Variants in CACNA1A observed in about 807,000 individuals in gnomAD.
The protein encoded by CACNA1A is calcium voltage-gated channel subunit alpha1 A, also known as voltage-dependent P/Q-type calcium channel subunit alpha-1A.
In CACNA1A, 57 loss-of-function variants were observed where a neutral mutation model predicts 262.4. That is an observed-to-expected ratio of 0.22 (90% CI 0.18 to 0.27). CACNA1A has a LOEUF of 0.27. CACNA1A is among the 10% of genes least tolerant of loss of function. CACNA1A has a pLI of 1.00. For synonymous variants in CACNA1A, 1,431 were observed against 1,419.3 expected (o/e 1.01, Z -0.18); for missense variants, 2,526 against 3,562.8 (o/e 0.71, Z 7.41).
intron 3 of CACNA1A, among the ~76,000 whole-genome samples, chr19:13,412,718 C>G (rs2060133396): frequency 6.6e-6 from 1 of 152,162 alleles, no homozygotes; most frequent in East Asian, 1.9e-4. Flanking sequence ...CTCAGGTGAT[C>G]TACCTGTCTC....
intron 6 of CACNA1A, among the ~76,000 whole-genome samples, chr19:13,343,998 C>G (rs948396541): frequency 6.6e-6 from 1 of 152,094 alleles, no homozygotes; most frequent in African/African-American, 2.4e-5. Flanking sequence ...ATCGCTTGAG[C>G]TAGGGGTTTG....
chr19:13,449,651 AT>A (rs2060880175), intron 3 of CACNA1A, among the ~76,000 whole-genome samples: 2 of 152,182 alleles, frequency 1.3e-5, no homozygotes, highest in South Asian at 4.1e-4. Context: ...AGTGTAAACT[AT>A]TCTCACTCTG....
intron 1 of CACNA1A, among the ~76,000 whole-genome samples, chr19:13,504,147 C>A (rs1165851177): frequency 6.6e-6 from 1 of 152,128 alleles, no homozygotes; most frequent in Non-Finnish European, 1.5e-5. Flanking sequence ...GGGTGTGCAC[C>A]CATGAATACC....
chr19:13,456,535 G>A (rs969385287), intron 1 of CACNA1A, among the ~76,000 whole-genome samples: 9 of 151,984 alleles, frequency 5.9e-5, no homozygotes, highest in South Asian at 2.1e-4. Flanking sequence ...TTAGCCGGGC[G>A]TGGTAGCGGG....
At chr19:13,282,643 T>A (rs1222442968) in intron 22 of CACNA1A, among the ~76,000 whole-genome samples, 2 of 147,812 alleles carry the variant, frequency 1.4e-5, no homozygotes, top group Non-Finnish European at 3.0e-5. Context: ...ACTCTCTCAT[T>A]CCCCTGAGCC....
intron 3 of CACNA1A, among the ~76,000 whole-genome samples, chr19:13,444,785 C>CCACT (rs962000676): frequency 1.3e-5 from 2 of 152,078 alleles, no homozygotes; most frequent in Non-Finnish European, 2.9e-5. Flanking sequence ...TTTGGACAAA[C>CCACT]CACTTGTTTG....
intron 19 of CACNA1A, among the ~76,000 whole-genome samples, chr19:13,293,699 G>A (rs188604637): frequency 1.4e-3 from 208 of 150,186 alleles, no homozygotes; most frequent in African/African-American, 4.4e-3. Flanking sequence ...CTTGTGATCC[G>A]CTCACCTCGG....
At chr19:13,250,556 C>T (rs2056370027) in intron 30 of CACNA1A, among the ~76,000 whole-genome samples, 2 of 152,022 alleles carry the variant, frequency 1.3e-5, no homozygotes, top group South Asian at 4.1e-4. Flanking sequence ...GCCACCACAC[C>T]CAGCTAATTT....
At chr19:13,367,021 G>A (rs1020490220) in intron 4 of CACNA1A, among the ~76,000 whole-genome samples, 1 of 143,734 alleles carries the variant, frequency 7.0e-6, no homozygotes, top group Non-Finnish European at 1.5e-5. Context: ...GCAGGGCGCG[G>A]CGGCGGTTCA....
chr19:13,322,749 C>T lies in CACNA1A; in HGVS notation c.1346-5428G>A, dbSNP rs574963041. Among the ~76,000 whole-genome samples, 17 of 152,246 alleles carry T rather than the reference C, an allele frequency of 1.1e-4. No homozygotes were observed. The South Asian group carries it at 2.5e-3, about 22-fold the overall frequency. On this transcript the variant is annotated intron_variant, in intron 10 of 46. Coordinates refer to ENST00000360228, the MANE Select transcript of CACNA1A (RefSeq NM_001127222.2). ...TAGCTGGGACTACAGGTGTGCACTA[C>T]TGCACCCAGCTAATTTTTGTATTTT...
At chr19:13,480,447 T>TA (rs1459379721) in intron 1 of CACNA1A, among the ~76,000 whole-genome samples, 1 of 152,218 alleles carries the variant, frequency 6.6e-6, no homozygotes, top group Non-Finnish European at 1.5e-5. Flanking sequence ...ATATAACATA[T>TA]AAAATCTGTC....
At chr19:13,343,031 A>C (rs886765094) in intron 6 of CACNA1A, among the ~76,000 whole-genome samples, 1 of 151,978 alleles carries the variant, frequency 6.6e-6, no homozygotes, top group Non-Finnish European at 1.5e-5. Flanking sequence ...CTGGGATTTC[A>C]GGCATGAGCC....
Position 13,359,201 on chromosome 19 carries a change from C to T in CACNA1A, c.978+405G>A, listed in dbSNP as rs76816396. 8.2e-3 allele frequency among the ~76,000 whole-genome samples: 1,254 copies of T among 152,264 alleles called. 17 individuals are homozygous for T. Among genetic ancestry groups the T allele is most frequent in the African/African-American group, 0.029 (1,191 of 41,540 alleles). The stretch of plus-strand genomic sequence containing the variant: ...TTGGCTCCAGGAACTTCTCATCCCA[C>T]GGGGAGTGGTATGGCTGGAGAAGGA... On this transcript the variant is annotated intron_variant, in intron 6 of 46. Transcript: ENST00000360228.
Position 13,332,939 on chromosome 19 carries a change from GCA to G in CACNA1A, c.1199-16_1199-15del. The G allele has an allele frequency of 6.2e-7, 1 of 1,607,438 alleles. No individual in the cohort carries two copies. Among genetic ancestry groups the G allele is most frequent in the Non-Finnish European group, 8.5e-7 (1 of 1,174,874 alleles). On this transcript the variant is annotated splice_polypyrimidine_tract_variant and intron_variant, in intron 8 of 46. Coordinates refer to ENST00000360228, the MANE Select transcript of CACNA1A (RefSeq NM_001127222.2). ...GGATCACCTCTTCTGAAGAGGAAGAGCACAGAGTTAAGCTCCTGCATTTGGAG... is the reference window on the plus strand; with the variant it reads ...GGATCACCTCTTCTGAAGAGGAAGAGCAGAGTTAAGCTCCTGCATTTGGAG...
rs180957211 is a variant in CACNA1A at position 13,242,380 on chromosome 19, C to T, written c.4950+2802G>A. On this transcript the variant is annotated intron_variant, in intron 31 of 46. Coordinates refer to ENST00000360228, the MANE Select transcript of CACNA1A (RefSeq NM_001127222.2). ...ACAATCTTGGCTTACTACAACCTCT[C>T]GCCTCCTGAGAATCAAGTGATTCTC... Among the ~76,000 whole-genome samples, 228 of 152,234 alleles carry T rather than the reference C, an allele frequency of 1.5e-3. 1 individual carries two copies. The highest frequency in any genetic ancestry group is 5.2e-3 in the African/African-American group (217 of 41,552).
At chr19:13,497,488 CAAAAAAAAAAAAAA>C (rs59964256) in intron 1 of CACNA1A, among the ~76,000 whole-genome samples, 6 of 3,984 alleles carry the variant, frequency 1.5e-3, no homozygotes, top group East Asian at 0.013. Flanking sequence ...AACTCCATCT[CAAAAAAAAAAAAAA>C]AAAAAAAAAA....
chr19:13,221,743 G>C (rs1030171337), intron 38 of CACNA1A, among the ~76,000 whole-genome samples: 5 of 151,996 alleles, frequency 3.3e-5, no homozygotes, highest in African/African-American at 1.2e-4. Context: ...GACACGGTTG[G>C]TCCCCTTCCT....
intron 7 of CACNA1A, among the ~76,000 whole-genome samples, 153 bp downstream of exon 7, chr19:13,335,653 G>A (rs1404164777): frequency 1.3e-5 from 2 of 152,188 alleles, no homozygotes; most frequent in Non-Finnish European, 2.9e-5. Flanking sequence ...CTGCACCTGT[G>A]CATGGCTTGC....
At chr19:13,229,449 G>T (rs1419377446) in intron 36 of CACNA1A, among the ~76,000 whole-genome samples, 1 of 152,162 alleles carries the variant, frequency 6.6e-6, no homozygotes, top group Non-Finnish European at 1.5e-5. Flanking sequence ...CTCAATACAC[G>T]TGCACAAGGT....
Sources: allele counts gnomAD v4.1 joint callset (sites outside exome capture counted in the v4.1 genomes callset), GRCh38; gene constraint gnomAD v4.1.1; transcripts MANE v1.5; gene names NCBI Gene and HGNC (gene_info 2026-07-23, HGNC 2026-07-21).